OR9Q1: variants seen among roughly 807,000 people sequenced by gnomAD.
OR9Q1 encodes olfactory receptor family 9 subfamily Q member 1, also known as olfactory receptor 9Q1.
For synonymous variants in OR9Q1, 153 were observed against 148.6 expected (o/e 1.03, Z -0.22); for missense variants, 374 against 378.8 (o/e 0.99, Z 0.11).
At chr11:58,105,023 C>T (rs1193522544) in intron 2 of OR9Q1, among the ~76,000 whole-genome samples, 1 of 151,782 alleles carries the variant, frequency 6.6e-6, no homozygotes, top group Non-Finnish European at 1.5e-5. Context: ...ACAATTCTTT[C>T]AAGTAGGAAA....
At chr11:58,100,482 A>G (rs1286622216) in intron 2 of OR9Q1, among the ~76,000 whole-genome samples, 57 of 152,272 alleles carry the variant, frequency 3.7e-4, no homozygotes, top group Non-Finnish European at 7.4e-5. Flanking sequence ...TGTTATTTTA[A>G]TTAGACATTC....
chr11:58,104,657 C>T (rs1853822904), intron 2 of OR9Q1, among the ~76,000 whole-genome samples: 1 of 152,114 alleles, frequency 6.6e-6, no homozygotes, highest in African/African-American at 2.4e-5. Context: ...CAATGCAACA[C>T]TTTTCTTTTA....
chr11:58,118,613 A>G, intron 2 of OR9Q1: 4 of 1,614,064 alleles, frequency 2.5e-6, no homozygotes, highest in Non-Finnish European at 3.4e-6. Context: ...ACCACTGTAT[A>G]GAAGACAGAC....
intron 2 of OR9Q1, among the ~76,000 whole-genome samples, chr11:58,090,223 C>T (rs1173670070): frequency 2.6e-5 from 4 of 152,076 alleles, no homozygotes; most frequent in Non-Finnish European, 4.4e-5. Flanking sequence ...TTGTCTTGTG[C>T]CGGTTTTCAA....
At chr11:58,037,685 ATATATTTTTTTTTTTTTTTTTTTTTTTTT>A (rs1853118702) in intron 1 of OR9Q1, among the ~76,000 whole-genome samples, 1 of 7,552 alleles carries the variant, frequency 1.3e-4, no homozygotes, top group Non-Finnish European at 3.0e-4. Context: ...ATATATATAT[ATATATTTTTTTTTTTTTTTTTTTTTTTTT>A]TTTTTTTTTT....
intron 1 of OR9Q1, among the ~76,000 whole-genome samples, chr11:58,033,892 A>G (rs1046973705): frequency 1.3e-5 from 2 of 152,152 alleles, no homozygotes; most frequent in African/African-American, 2.4e-5. Context: ...AGACTTAACT[A>G]TAGTGTAGCT....
chr11:58,115,382 G>A (rs951678711), intron 2 of OR9Q1, among the ~76,000 whole-genome samples: 9 of 152,102 alleles, frequency 5.9e-5, no homozygotes, highest in Non-Finnish European at 1.3e-4. Flanking sequence ...TAAATAAAAT[G>A]AATAAGATGT....
chr11:58,085,159 T>C (rs1040925432), intron 2 of OR9Q1, among the ~76,000 whole-genome samples: 12 of 151,996 alleles, frequency 7.9e-5, no homozygotes, highest in Non-Finnish European at 1.5e-4. Context: ...AATCAGTTTC[T>C]TAGTCACCTG....
intron 2 of OR9Q1, among the ~76,000 whole-genome samples, chr11:58,150,662 CA>C (rs1462965498): frequency 6.6e-6 from 1 of 152,148 alleles, no homozygotes; most frequent in African/African-American, 2.4e-5. Context: ...CTGGTGTAAA[CA>C]AACCTACTGT....
chr11:58,030,563 T>C (rs1316820933), intron 1 of OR9Q1, among the ~76,000 whole-genome samples: 2 of 152,162 alleles, frequency 1.3e-5, no homozygotes, highest in African/African-American at 2.4e-5. Context: ...ATGCACAATC[T>C]CCTCTCTGAT....
intron 2 of OR9Q1, among the ~76,000 whole-genome samples, chr11:58,147,799 T>A (rs1854313229): frequency 6.6e-6 from 1 of 152,200 alleles, no homozygotes; most frequent in African/African-American, 2.4e-5. Flanking sequence ...TTACCTAATG[T>A]GTGTCAGATT....
In OR9Q1 at chr11:58,106,707, A is replaced by C. The variant is rs184280311; in HGVS notation, c.-15+50760A>C. Among the ~76,000 whole-genome samples the C allele has an allele frequency of 2.8e-3, 422 of 152,274 alleles. 1 individual carries two copies. Among genetic ancestry groups the C allele is most frequent in the African/African-American group, 9.4e-3 (390 of 41,560 alleles). On this transcript the variant is annotated intron_variant, in intron 2 of 2. Coordinates refer to ENST00000335397, the MANE Select transcript of OR9Q1 (RefSeq NM_001005212.4). ...GTAGGGTCCAGTGTCATTCTTTTGC[A>C]TAGTGACATGCAGTTTTCTTAACAC...
chr11:58,092,316 A>G (rs781422425), intron 2 of OR9Q1, among the ~76,000 whole-genome samples: 5 of 94,830 alleles, frequency 5.3e-5, no homozygotes, highest in Non-Finnish European at 1.1e-4. Flanking sequence ...TAAATGAAGG[A>G]TATTCTTAAT....
At chr11:58,108,925 G>T (rs751248782) in intron 2 of OR9Q1, 33 of 371,462 alleles carry the variant, frequency 8.9e-5, no homozygotes, top group Non-Finnish European at 2.1e-5. Flanking sequence ...GACAACAGTG[G>T]TGAGATGGGA....
At chr11:58,154,379 ATTTT>A (rs3085835) in intron 2 of OR9Q1, among the ~76,000 whole-genome samples, 11 of 140,952 alleles carry the variant, frequency 7.8e-5, no homozygotes, top group African/African-American at 2.8e-4. Flanking sequence ...AATGCAATGG[ATTTT>A]TTTTTTTTTT....
intron 2 of OR9Q1, among the ~76,000 whole-genome samples, chr11:58,076,636 G>C (rs935083646): frequency 6.6e-6 from 1 of 152,102 alleles, no homozygotes; most frequent in Non-Finnish European, 1.5e-5. Context: ...TATAACTTTA[G>C]AATAGTTTTT....
At chr11:58,026,094 T>C (rs541415894) in intron 1 of OR9Q1, among the ~76,000 whole-genome samples, 119 of 152,350 alleles carry the variant, frequency 7.8e-4, no homozygotes, top group Admixed American at 1.3e-3. Flanking sequence ...GTTCTAACCC[T>C]TGAGTACTTC....
chr11:58,038,908 CT>C (rs1477541573), intron 1 of OR9Q1, among the ~76,000 whole-genome samples: 1 of 152,102 alleles, frequency 6.6e-6, no homozygotes, highest in African/African-American at 2.4e-5. Flanking sequence ...TAGGGTGTGT[CT>C]GTCAAAATGT....
intron 2 of OR9Q1, among the ~76,000 whole-genome samples, chr11:58,152,264 AT>A (rs1489380131): frequency 6.6e-6 from 1 of 152,174 alleles, no homozygotes; most frequent in African/African-American, 2.4e-5. Context: ...CATTTATTTT[AT>A]TTTAAAGCTT....
Sources: allele counts gnomAD v4.1 joint callset (sites outside exome capture counted in the v4.1 genomes callset), GRCh38; gene constraint gnomAD v4.1.1; transcripts MANE v1.5; gene names NCBI Gene and HGNC (gene_info 2026-07-23, HGNC 2026-07-21).